UGT1A10: variants seen among roughly 807,000 people sequenced by gnomAD.
UGT1A10 encodes UDP glucuronosyltransferase family 1 member A10, also known as UDP-glucuronosyltransferase 1A10.
A neutral mutation model predicts 45.8 loss-of-function variants in UGT1A10; 49 were observed. The ratio of observed to expected loss-of-function variants is 1.07; its 90% confidence interval spans 0.85 to 1.36. The LOEUF is 1.36. Ranked by LOEUF, UGT1A10 falls within the 40% of genes most tolerant of loss-of-function variation. The pLI is 0.00. For synonymous variants in UGT1A10, 284 were observed against 249.7 expected (o/e 1.14, Z -1.29); for missense variants, 745 against 668.6 (o/e 1.11, Z -1.26).
intron 1 of UGT1A10, among the ~76,000 whole-genome samples, chr2:233,696,713 G>A (rs532050376): frequency 6.6e-6 from 1 of 152,234 alleles, no homozygotes; most frequent in East Asian, 1.9e-4. Flanking sequence ...AGATTTTAGA[G>A]GAACAGTTTT....
intron 1 of UGT1A10, chr2:233,747,358 G>T: frequency 6.2e-7 from 1 of 1,603,224 alleles, no homozygotes; most frequent in African/African-American, 1.3e-5. Context: ...GAGGCCGTGC[G>T]GGAGCTCCAT....
At chr2:233,742,458 C>T (rs1691985678) in intron 1 of UGT1A10, among the ~76,000 whole-genome samples, 1 of 151,914 alleles carries the variant, frequency 6.6e-6, no homozygotes, top group African/African-American at 2.4e-5. Context: ...GTTCCTTGCC[C>T]TTATTCCAGT....
intron 1 of UGT1A10, among the ~76,000 whole-genome samples, chr2:233,676,421 C>T (rs897203308): frequency 3.3e-5 from 5 of 152,152 alleles, no homozygotes; most frequent in Non-Finnish European, 7.3e-5. Context: ...CAGTTTCCAC[C>T]ATTGTTAAAT....
intron 1 of UGT1A10, among the ~76,000 whole-genome samples, chr2:233,696,927 TA>T (rs2075366048): frequency 6.6e-6 from 1 of 152,164 alleles, no homozygotes; most frequent in Non-Finnish European, 1.5e-5. Flanking sequence ...AATATATCAA[TA>T]AATGCATCAG....
intron 1 of UGT1A10, chr2:233,760,727 T>G: frequency 6.2e-7 from 1 of 1,614,214 alleles, no homozygotes; most frequent in Non-Finnish European, 8.5e-7. Context: ...AGCTTTGATG[T>G]CATGCTGACG....
chr2:233,766,614 C>T (rs1699203096), intron 1 of UGT1A10, among the ~76,000 whole-genome samples: 1 of 152,184 alleles, frequency 6.6e-6, no homozygotes, highest in Non-Finnish European at 1.5e-5. Context: ...CCCTCTTCTA[C>T]CCAGCACTTC....
intron 1 of UGT1A10, among the ~76,000 whole-genome samples, chr2:233,652,534 C>A (rs1234545749): frequency 6.6e-6 from 1 of 152,180 alleles, no homozygotes; most frequent in Non-Finnish European, 1.5e-5. Flanking sequence ...ATATCATTAT[C>A]ATTCCTCACA....
chr2:233,749,861 C>T (rs1160641293), intron 1 of UGT1A10, among the ~76,000 whole-genome samples: 2 of 151,980 alleles, frequency 1.3e-5, no homozygotes, highest in Non-Finnish European at 2.9e-5. Context: ...CTCTCACTTT[C>T]TGCCAGGATT....
chr2:233,681,892 T>A lies in UGT1A10; in HGVS notation c.855+44515T>A, dbSNP rs376801837. 7.6e-6 allele frequency: 12 copies of A among 1,586,876 alleles called. No individual in the cohort carries two copies. In the Admixed American group the frequency reaches 2.1e-4, roughly 28 times the overall value. ...TGTACTTCTTCCACTTACTATATTATAGGAGCTTAGAATCCCAGCTGCTGG... is the reference window on the plus strand; with the variant it reads ...TGTACTTCTTCCACTTACTATATTAAAGGAGCTTAGAATCCCAGCTGCTGG... On this transcript the variant is annotated intron_variant, in intron 1 of 4. Coordinates refer to ENST00000344644, the MANE Select transcript of UGT1A10 (RefSeq NM_019075.4).
chr2:233,710,734 T>C (rs1299004850), intron 1 of UGT1A10, among the ~76,000 whole-genome samples: 1 of 152,216 alleles, frequency 6.6e-6, no homozygotes, highest in Non-Finnish European at 1.5e-5. Flanking sequence ...AACAACGTCT[T>C]TCAAGGAGCA....
chr2:233,663,963 T>G (rs2074026481), intron 1 of UGT1A10, among the ~76,000 whole-genome samples: 1 of 152,162 alleles, frequency 6.6e-6, no homozygotes, highest in Non-Finnish European at 1.5e-5. Flanking sequence ...TGCATCTAAG[T>G]GTAGGTAGTT....
At chr2:233,695,198 C>T (rs2075272132) in intron 1 of UGT1A10, among the ~76,000 whole-genome samples, 1 of 150,442 alleles carries the variant, frequency 6.6e-6, no homozygotes, top group South Asian at 2.1e-4. Flanking sequence ...CGATCTCAGC[C>T]CACTGCAACC....
intron 1 of UGT1A10, chr2:233,713,474 G>T (rs779583012): frequency 1.2e-6 from 2 of 1,614,060 alleles, no homozygotes; most frequent in South Asian, 2.2e-5. Context: ...CGGCGGTGCT[G>T]GCTAAGTACC....
chr2:233,652,385 T>A (rs1050241079), intron 1 of UGT1A10, among the ~76,000 whole-genome samples: 5 of 152,250 alleles, frequency 3.3e-5, no homozygotes, highest in Non-Finnish European at 5.9e-5. Context: ...GATTCATGTA[T>A]CTGCTCTTTT....
intron 1 of UGT1A10, among the ~76,000 whole-genome samples, chr2:233,663,890 A>G (rs1465786285): frequency 6.6e-6 from 1 of 152,134 alleles, no homozygotes; most frequent in Non-Finnish European, 1.5e-5. Context: ...GAATTTCTCT[A>G]TTTTAGATAC....
At chr2:233,649,090 T>C in intron 1 of UGT1A10, 1 of 866,568 alleles carries the variant, frequency 1.2e-6, no homozygotes, top group Non-Finnish European at 1.6e-6. Context: ...AAAGATTCCT[T>C]ACGGAACTGG....
In UGT1A10 at chr2:233,637,282, C is replaced by G; in HGVS notation, c.760C>G (p.Arg254Gly). 1 of 1,613,936 alleles carries G rather than the reference C, an allele frequency of 6.2e-7. No individual in the cohort carries two copies. The highest frequency in any genetic ancestry group is 8.5e-7 in the Non-Finnish European group (1 of 1,179,862). The change falls in exon 1 of 5, where the codon CGA becomes GGA. Residue 254 changes from arginine (R) to glycine (G), a missense_variant. Transcript: ENST00000344644. ...CAGTCACACATCAATTTGGTTGTTG[C>G]GAACGGACTTTGTTTTGGACTATCC... ...LYSHTSIWLL[R>G]TDFVLDYPKP... is the part of the protein sequence containing the mutation.
intron 1 of UGT1A10, chr2:233,694,017 T>G: frequency 1.4e-6 from 2 of 1,382,468 alleles, no homozygotes; most frequent in Non-Finnish European, 9.8e-7. Context: ...CGGGAACACA[T>G]AGGAGACCTG....
chr2:233,685,099 A>G (rs886216892), intron 1 of UGT1A10, among the ~76,000 whole-genome samples: 4 of 152,174 alleles, frequency 2.6e-5, no homozygotes, highest in South Asian at 2.1e-4. Flanking sequence ...CCTATAACAA[A>G]ATCTTATTGA....
Sources: allele counts gnomAD v4.1 joint callset (sites outside exome capture counted in the v4.1 genomes callset), GRCh38; gene constraint gnomAD v4.1.1; transcripts MANE v1.5; gene names NCBI Gene and HGNC (gene_info 2026-07-23, HGNC 2026-07-21).